The following GRID2 variants were observed in gnomAD, a reference collection of about 807,000 sequenced individuals.
GRID2 encodes the protein glutamate ionotropic receptor delta type subunit 2.
GRID2 carries 33 observed loss-of-function variants against 114.8 expected under a neutral mutation model. The observed-to-expected ratio is 0.29, with a 90% CI of 0.22 to 0.38. GRID2 has a LOEUF of 0.38. GRID2 is among the 10% of genes least tolerant of loss of function. The pLI is 1.00. For missense variants in GRID2, 1,184 were observed against 1,257.7 expected, an observed-to-expected ratio of 0.94 and a Z score of 0.89; for synonymous variants, 505 against 449.9, an observed-to-expected ratio of 1.12 and a Z score of -1.55.
chr4:92,680,214 G>A (rs1733582628), intron 2 of GRID2, among the ~76,000 whole-genome samples: 1 of 152,020 alleles, frequency 6.6e-6, no homozygotes, highest in Admixed American at 6.6e-5. Flanking sequence ...TACCATGGTG[G>A]ATGCGATATG....
chr4:93,445,065 A>G (rs1160703483), intron 10 of GRID2, among the ~76,000 whole-genome samples: 2 of 151,994 alleles, frequency 1.3e-5, no homozygotes, highest in African/African-American at 2.4e-5. Context: ...GTAGCCAATG[A>G]TATTTAAGCA....
chr4:92,574,434 T>A (rs1038590295), intron 1 of GRID2, among the ~76,000 whole-genome samples: 1 of 100,392 alleles, frequency 1.0e-5, no homozygotes, highest in African/African-American at 3.7e-5. Context: ...TTTTTTTTTG[T>A]GGCTGGTAAT....
intron 14 of GRID2, among the ~76,000 whole-genome samples, chr4:93,737,581 T>C (rs143183372): frequency 1.8e-4 from 27 of 152,046 alleles, no homozygotes; most frequent in African/African-American, 5.3e-4. Flanking sequence ...AAAAATAAAA[T>C]AAAATGAGTG....
At chr4:93,778,005 T>C (rs149470473), downstream of GRID2, among the ~76,000 whole-genome samples, 101 of 152,296 alleles carry the variant, frequency 6.6e-4, no homozygotes, top group East Asian at 0.018. Context: ...AGATAACCCA[T>C]AACTTCCTGA....
chr4:93,620,507 A>C (rs1742114528), intron 13 of GRID2, among the ~76,000 whole-genome samples: 1 of 152,202 alleles, frequency 6.6e-6, no homozygotes, highest in South Asian at 2.1e-4. Flanking sequence ...AATGAATTAA[A>C]AAGCAAAGTG....
chr4:93,581,120 CGTGT>C (rs1736945381), intron 13 of GRID2, among the ~76,000 whole-genome samples: 1 of 148,120 alleles, frequency 6.8e-6, no homozygotes, highest in African/African-American at 2.5e-5. Context: ...AACAGCCCCC[CGTGT>C]GTAGTGTTCC....
chr4:93,517,478 A>G (rs977896566), intron 13 of GRID2, among the ~76,000 whole-genome samples: 1 of 152,076 alleles, frequency 6.6e-6, no homozygotes, highest in Non-Finnish European at 1.5e-5. Context: ...GAATGAATTT[A>G]TAATAGAAAA....
At chr4:92,920,302 A>G (rs183694562) in intron 2 of GRID2, among the ~76,000 whole-genome samples, 3 of 152,198 alleles carry the variant, frequency 2.0e-5, no homozygotes, top group Non-Finnish European at 2.9e-5. Flanking sequence ...TCTTTATCCA[A>G]TTTGCCAGAC....
At chr4:93,433,893 G>T (rs1358181546) in intron 10 of GRID2, among the ~76,000 whole-genome samples, 1 of 152,078 alleles carries the variant, frequency 6.6e-6, no homozygotes, top group East Asian at 1.9e-4. Flanking sequence ...TAAACTCTAT[G>T]GTTTACTGCA....
chr4:93,791,463 C>T (rs929401803), intron 1 of GRID2, among the ~76,000 whole-genome samples: 3 of 152,070 alleles, frequency 2.0e-5, no homozygotes, highest in African/African-American at 7.2e-5. Context: ...CTCTACCAAA[C>T]CACCACTAAA....
chr4:93,524,398 G>T (rs1333115759), intron 13 of GRID2, among the ~76,000 whole-genome samples: 1 of 152,086 alleles, frequency 6.6e-6, no homozygotes, highest in Non-Finnish European at 1.5e-5. Flanking sequence ...TTAGGTCTGT[G>T]TCAGTCATCA....
intron 2 of GRID2, among the ~76,000 whole-genome samples, chr4:92,813,285 C>T (rs1391555410): frequency 6.6e-6 from 1 of 152,076 alleles, no homozygotes; most frequent in East Asian, 1.9e-4. Flanking sequence ...CATCTGAGAT[C>T]AGAACGTCAG....
chr4:92,546,663 A>G (rs950663816), intron 1 of GRID2, among the ~76,000 whole-genome samples: 8 of 152,226 alleles, frequency 5.3e-5, no homozygotes, highest in Admixed American at 2.0e-4. Flanking sequence ...TAGTAAACTG[A>G]GATTACCCTT....
intron 3 of GRID2, among the ~76,000 whole-genome samples, chr4:93,109,003 A>G (rs565122272): frequency 1.3e-5 from 2 of 152,298 alleles, no homozygotes; most frequent in South Asian, 2.1e-4. Context: ...AGTTTCTCAG[A>G]TGATTCTGAT....
In GRID2 at chr4:92,304,524, C is replaced by T. The variant is rs768389302; in HGVS notation, c.-133C>T. Reference sequence around the variant, plus strand: ...TTCTCGGCGACGATAAAAGGCTTTGCTCTGGCAATAGGAATTTAGAAAAAA... The same window carrying T: ...TTCTCGGCGACGATAAAAGGCTTTGTTCTGGCAATAGGAATTTAGAAAAAA... On this transcript the variant is annotated 5_prime_UTR_variant, in exon 1 of 16. Transcript: ENST00000282020. 3.4e-5 allele frequency: 23 copies of T among 680,100 alleles called. No homozygotes were observed. The highest frequency in any genetic ancestry group is 5.5e-5 in the Non-Finnish European group (21 of 381,814). 42.1% of individuals were successfully genotyped at this position (680,100 alleles called of 1,614,324 possible).
intron 2 of GRID2, among the ~76,000 whole-genome samples, chr4:92,734,190 A>T (rs1228150228): frequency 6.6e-6 from 1 of 152,316 alleles, no homozygotes; most frequent in Non-Finnish European, 1.5e-5. Context: ...ACACTTAAAA[A>T]TAAATGAACT....
chr4:93,514,147 A>G (rs997964625), intron 12 of GRID2, among the ~76,000 whole-genome samples: 1 of 152,092 alleles, frequency 6.6e-6, no homozygotes, highest in African/African-American at 2.4e-5. Context: ...CTTAAATGTC[A>G]GTCATTAGAG....
chr4:92,596,760 A>T (rs1263785340), intron 2 of GRID2, among the ~76,000 whole-genome samples: 1 of 151,976 alleles, frequency 6.6e-6, no homozygotes, highest in Non-Finnish European at 1.5e-5. Flanking sequence ...AGCAATTAAA[A>T]ATATATATAT....
chr4:93,244,573 A>C (rs868185483), intron 8 of GRID2, among the ~76,000 whole-genome samples: 1 of 41,004 alleles, frequency 2.4e-5, no homozygotes, highest in Non-Finnish European at 4.7e-5. Context: ...ATTATATATT[A>C]ATTAATAGAT....
Sources: gnomAD v4.1 joint callset for allele counts (sites outside exome capture counted in the v4.1 genomes callset) on GRCh38, gnomAD v4.1.1 for gene constraint, MANE v1.5 for transcripts, NCBI Gene and HGNC (gene_info 2026-07-23, HGNC 2026-07-21) for gene names.